NALF1: variants seen among roughly 807,000 people sequenced by gnomAD.
NALF1 encodes the protein family with sequence similarity 155 member A.
Under a neutral mutation model 48.4 loss-of-function variants are expected in NALF1, and 3 were observed. That is an observed-to-expected ratio of 0.06 (90% CI 0.03 to 0.16). The LOEUF (loss-of-function observed/expected upper bound fraction) is 0.16, where lower values mean the gene tolerates loss of function less well. Among genes scored for constraint, NALF1 ranks in the 10% least tolerant of loss-of-function variants. The pLI is 1.00. For synonymous variants in NALF1, 262 were observed against 245.7 expected, an observed-to-expected ratio of 1.07 and a Z score of -0.62; for missense variants, 526 against 571.5, an observed-to-expected ratio of 0.92 and a Z score of 0.81.
chr13:107,391,522 A>G (rs547591551), intron 1 of NALF1, among the ~76,000 whole-genome samples: 1 of 152,244 alleles, frequency 6.6e-6, no homozygotes, highest in East Asian at 1.9e-4. Context: ...TTCTTTCCAG[A>G]TCCAGAAGAT....
intron 1 of NALF1, among the ~76,000 whole-genome samples, chr13:107,645,250 C>T (rs973672449): frequency 2.6e-5 from 4 of 152,220 alleles, no homozygotes; most frequent in Non-Finnish European, 4.4e-5. Flanking sequence ...CACATCCTCA[C>T]CAACACTTAG....
At chr13:107,460,697 C>A (rs1358815361) in intron 1 of NALF1, among the ~76,000 whole-genome samples, 1 of 152,144 alleles carries the variant, frequency 6.6e-6, no homozygotes, top group South Asian at 2.1e-4. Context: ...GTACGATATA[C>A]ACTAAATTCT....
chr13:107,537,368 C>T (rs576571479), intron 1 of NALF1, among the ~76,000 whole-genome samples: 2 of 152,054 alleles, frequency 1.3e-5, no homozygotes, highest in Non-Finnish European at 2.9e-5. Context: ...TAATATTTAG[C>T]TTTACTAATA....
At chr13:107,403,541 G>A (rs1017172946) in intron 1 of NALF1, among the ~76,000 whole-genome samples, 1 of 151,626 alleles carries the variant, frequency 6.6e-6, no homozygotes, top group Non-Finnish European at 1.5e-5. Flanking sequence ...GATTTGCTCT[G>A]AAAATGAAAA....
chr13:107,822,846 C>G lies in NALF1; in HGVS notation c.915+42836G>C, dbSNP rs1195062960. 2.0e-5 allele frequency among the ~76,000 whole-genome samples: 3 copies of G among 152,060 alleles called. 1 individual carries two copies. Among genetic ancestry groups the G allele is most frequent in the African/African-American group, 7.2e-5 (3 of 41,382 alleles). Reference sequence around the variant, plus strand: ...AAAAATTTAGCTTAAAAGATGAACCCAAAGATTGAAATGGTCAGTTAAGCT... The same window carrying G: ...AAAAATTTAGCTTAAAAGATGAACCGAAAGATTGAAATGGTCAGTTAAGCT... On this transcript the variant is annotated intron_variant, in intron 1 of 2. Transcript: ENST00000375915.
intron 2 of NALF1, among the ~76,000 whole-genome samples, chr13:107,189,255 T>C (rs983002390): frequency 1.3e-5 from 2 of 152,202 alleles, no homozygotes; most frequent in Non-Finnish European, 2.9e-5. Flanking sequence ...AAAGAGAATA[T>C]AGTCTAAACA....
At chr13:107,529,768 G>C (rs1876565990) in intron 1 of NALF1, among the ~76,000 whole-genome samples, 1 of 152,056 alleles carries the variant, frequency 6.6e-6, no homozygotes, top group Non-Finnish European at 1.5e-5. Flanking sequence ...TGTGAGAGAG[G>C]AACGGGCATC....
intron 1 of NALF1, among the ~76,000 whole-genome samples, chr13:107,340,471 C>CTTTCTTTCTTTCTTTCTTTCTTTCTTTCT (rs1566489718): frequency 1.3e-5 from 1 of 79,254 alleles, no homozygotes; most frequent in African/African-American, 2.9e-5. Flanking sequence ...TCTTTCTTCT[C>CTTTCTTTCTTTCTTTCTTTCTTTCTTTCT]TCTTTCTTTC....
intron 1 of NALF1, among the ~76,000 whole-genome samples, chr13:107,275,017 A>T (rs938278821): frequency 1.3e-5 from 2 of 152,226 alleles, no homozygotes; most frequent in African/African-American, 4.8e-5. Flanking sequence ...CGGAACCTGG[A>T]TAACTGATGG....
At chr13:107,259,773 A>C (rs1428862513) in intron 1 of NALF1, among the ~76,000 whole-genome samples, 1 of 152,216 alleles carries the variant, frequency 6.6e-6, no homozygotes, top group Non-Finnish European at 1.5e-5. Context: ...AGCACCTATG[A>C]GTAGTAGATA....
chr13:107,677,558 A>G (rs1195941657), intron 1 of NALF1, among the ~76,000 whole-genome samples: 2 of 152,250 alleles, frequency 1.3e-5, no homozygotes, highest in African/African-American at 4.8e-5. Flanking sequence ...TTTAATGTTC[A>G]GAAACAGGAG....
rs534480909 is a variant in NALF1 at position 107,546,188 on chromosome 13, T to C, written c.915+319494A>G. 3.9e-5 allele frequency among the ~76,000 whole-genome samples: 6 copies of C among 152,222 alleles called. No individual in the cohort carries two copies. In the South Asian group the frequency reaches 8.3e-4, roughly 21 times the overall value. On this transcript the variant is annotated intron_variant, in intron 1 of 2. Coordinates refer to ENST00000375915, the MANE Select transcript of NALF1 (RefSeq NM_001080396.3). ...GGGGCCAGTGTGCCAACAAAGCCCA[T>C]TGCGATTTATTCCATCCTGCTGCTC...
At chr13:107,538,191 C>G (rs1876892460) in intron 1 of NALF1, among the ~76,000 whole-genome samples, 1 of 152,178 alleles carries the variant, frequency 6.6e-6, no homozygotes, top group Non-Finnish European at 1.5e-5. Flanking sequence ...ATCTGACCAA[C>G]TTGTGCCATA....
intron 1 of NALF1, among the ~76,000 whole-genome samples, chr13:107,710,618 C>A (rs1435633764): frequency 2.0e-5 from 3 of 149,214 alleles, no homozygotes; most frequent in Non-Finnish European, 2.9e-5. Context: ...CACTTTTAAA[C>A]CCTCAGATCT....
At chr13:107,587,879 C>T (rs1414206873) in intron 1 of NALF1, among the ~76,000 whole-genome samples, 1 of 152,118 alleles carries the variant, frequency 6.6e-6, no homozygotes, top group Non-Finnish European at 1.5e-5. Flanking sequence ...AGACTGTAAA[C>T]CACACATGGA....
At chr13:107,728,695 AAAATAAAT>A (rs34497886) in intron 1 of NALF1, among the ~76,000 whole-genome samples, 13 of 148,392 alleles carry the variant, frequency 8.8e-5, no homozygotes, top group East Asian at 2.0e-4. Flanking sequence ...AACTTAAAGT[AAAATAAAT>A]AAATAAATAA....
At position 107,402,302 on chromosome 13, in the gene NALF1, A is replaced by AG. The variant is rs2138992469; in HGVS notation, c.916-191548_916-191547insC. 1.3e-5 allele frequency among the ~76,000 whole-genome samples: 2 copies of AG among 152,278 alleles called. 1 individual carries two copies. Among genetic ancestry groups the AG allele is most frequent in the Middle Eastern group, 6.8e-3 (2 of 294 alleles). On this transcript the variant is annotated intron_variant, in intron 1 of 2. Transcript: ENST00000375915. Reference sequence around the variant, plus strand: ...AACAACTGAAGATCTTAGTCCAACTACCCAGAAGAACCAAAATCCTGCTAG... The same window carrying AG: ...AACAACTGAAGATCTTAGTCCAACTAGCCCAGAAGAACCAAAATCCTGCTAG...
intron 1 of NALF1, among the ~76,000 whole-genome samples, chr13:107,212,032 A>G (rs1356231925): frequency 6.6e-6 from 1 of 152,228 alleles, no homozygotes; most frequent in Non-Finnish European, 1.5e-5. Flanking sequence ...TAGTTATCCT[A>G]TATTTAATCT....
chr13:107,308,436 T>C (rs1315294490), intron 1 of NALF1, among the ~76,000 whole-genome samples: 3 of 152,084 alleles, frequency 2.0e-5, no homozygotes, highest in African/African-American at 7.2e-5. Context: ...TCTCCTGACC[T>C]CGTGATCCGC....
Sources: gnomAD v4.1 joint callset for allele counts (sites outside exome capture counted in the v4.1 genomes callset) on GRCh38, gnomAD v4.1.1 for gene constraint, MANE v1.5 for transcripts, NCBI Gene and HGNC (gene_info 2026-07-23, HGNC 2026-07-21) for gene names.